The following HTR2C variants were observed in gnomAD, a reference collection of about 807,000 sequenced individuals.
The protein encoded by HTR2C is 5-hydroxytryptamine receptor 2C, also known as 5-hydroxytryptamine (serotonin) receptor 2C, G protein-coupled.
In HTR2C, 5 loss-of-function variants were observed where a neutral mutation model predicts 21.0. The ratio of observed to expected loss-of-function variants is 0.24; its 90% CI spans 0.12 to 0.50. The LOEUF (loss-of-function observed/expected upper bound fraction) is 0.50, where lower values mean the gene tolerates loss of function less well. HTR2C is among the 20% of genes least tolerant of loss of function. HTR2C has a pLI of 0.98. For missense variants in HTR2C, 271 were observed against 371.2 expected, an observed-to-expected ratio of 0.73 and a Z score of 2.22; for synonymous variants, 150 against 145.3, an observed-to-expected ratio of 1.03 and a Z score of -0.23.
intron 4 of HTR2C, among the ~76,000 whole-genome samples, chrX:114,835,682 G>A (rs782331966): frequency 3.2e-4 from 36 of 111,696 alleles, no homozygotes; most frequent in African/African-American, 9.7e-4. Context: ...TAATTTGATC[G>A]TCTGAAGCCT....
chrX:114,804,753 C>CATAA (rs782399958), intron 4 of HTR2C, among the ~76,000 whole-genome samples: 55 of 111,365 alleles, frequency 4.9e-4, no homozygotes, highest in Non-Finnish European at 1.7e-4. Flanking sequence ...GTTACAGGGA[C>CATAA]ATAAATTTCA....
intron 1 of HTR2C, among the ~76,000 whole-genome samples, chrX:114,600,823 A>G (rs1186976490): frequency 8.9e-6 from 1 of 111,742 alleles, no homozygotes; most frequent in Admixed American, 9.5e-5. Context: ...TGCATTTTAA[A>G]TGCAAAGTAT....
chrX:114,814,179 A>T (rs1375355999), intron 4 of HTR2C, among the ~76,000 whole-genome samples: 1 of 110,201 alleles, frequency 9.1e-6, no homozygotes, highest in East Asian at 2.9e-4. Context: ...GAAAGGGAAA[A>T]AATAGCTGGA....
intron 4 of HTR2C, among the ~76,000 whole-genome samples, chrX:114,801,926 A>C (rs1331957170): frequency 1.8e-5 from 2 of 111,191 alleles, no homozygotes; most frequent in Non-Finnish European, 3.8e-5. Context: ...TCAAACTTTT[A>C]ATCAAATGGT....
intron 5 of HTR2C, among the ~76,000 whole-genome samples, chrX:114,884,022 C>T (rs1450154846): frequency 1.8e-5 from 2 of 110,727 alleles, no homozygotes; most frequent in African/African-American, 6.5e-5. Flanking sequence ...TGAGATAATG[C>T]GGTATTTGTT....
intron 4 of HTR2C, among the ~76,000 whole-genome samples, chrX:114,808,572 C>T (rs1376841505): frequency 4.5e-5 from 5 of 111,580 alleles, no homozygotes; most frequent in African/African-American, 1.6e-4. Flanking sequence ...TATTCATTTA[C>T]ATTTCCACCA....
chrX:114,820,579 C>T (rs2070623537), intron 4 of HTR2C, among the ~76,000 whole-genome samples: 1 of 110,450 alleles, frequency 9.1e-6, no homozygotes, highest in Admixed American at 9.7e-5. Flanking sequence ...TCCCAGAATT[C>T]CCACGTGTTA....
intron 4 of HTR2C, among the ~76,000 whole-genome samples, chrX:114,768,483 T>C (rs782115378): frequency 9.0e-6 from 1 of 110,973 alleles, no homozygotes; most frequent in South Asian, 3.7e-4. Flanking sequence ...CCAAAACAAA[T>C]GTTCTAGAAG....
At chrX:114,601,665 T>C (rs1178844348) in intron 1 of HTR2C, among the ~76,000 whole-genome samples, 2 of 109,650 alleles carry the variant, frequency 1.8e-5, no homozygotes, top group East Asian at 2.9e-4. Context: ...GCCATCTGGA[T>C]GTATACATGC....
At chrX:114,683,568 T>C (rs1189794997) in intron 2 of HTR2C, among the ~76,000 whole-genome samples, 2 of 110,853 alleles carry the variant, frequency 1.8e-5, no homozygotes, top group African/African-American at 6.6e-5. Flanking sequence ...GCGGATCACT[T>C]GAGCTTAGGA....
chrX:114,729,169 G>A (rs933972046), intron 3 of HTR2C, among the ~76,000 whole-genome samples: 13 of 111,742 alleles, frequency 1.2e-4, no homozygotes, highest in African/African-American at 3.2e-4. Context: ...CATAGACGTC[G>A]TCTCAAAATA....
chrX:114,675,879 T>C (rs1931541364), intron 2 of HTR2C, among the ~76,000 whole-genome samples: 1 of 102,230 alleles, frequency 9.8e-6, no homozygotes, highest in Non-Finnish European at 1.9e-5. Context: ...TTTTTTCTTT[T>C]TTTTTTTGAG....
chrX:114,859,418 T>C (rs1262807025), intron 5 of HTR2C, among the ~76,000 whole-genome samples: 1 of 110,817 alleles, frequency 9.0e-6, no homozygotes, highest in African/African-American at 3.3e-5. Flanking sequence ...ATATTAATAT[T>C]TTCTTTTGTG....
chrX:114,623,906 G>T (rs5946145), intron 2 of HTR2C, among the ~76,000 whole-genome samples: 66 of 69,374 alleles, frequency 9.5e-4, no homozygotes, highest in African/African-American at 1.4e-3. Context: ...TTTTGTTGTT[G>T]TTTTTTTTTT....
At chrX:114,640,983 T>C (rs186470033) in intron 2 of HTR2C, among the ~76,000 whole-genome samples, 188 of 100,689 alleles carry the variant, frequency 1.9e-3, no homozygotes, top group African/African-American at 6.1e-3. Flanking sequence ...TCTTTTTTCT[T>C]TCTTTCCTTC....
At chrX:114,704,183 G>C (rs1201448266) in intron 2 of HTR2C, among the ~76,000 whole-genome samples, 2 of 111,652 alleles carry the variant, frequency 1.8e-5, no homozygotes, top group Non-Finnish European at 3.8e-5. Context: ...AATAGAAAAA[G>C]AGGGAATCCT....
intron 4 of HTR2C, among the ~76,000 whole-genome samples, chrX:114,769,120 C>A (rs1320115029): frequency 2.7e-5 from 3 of 110,998 alleles, no homozygotes; most frequent in Non-Finnish European, 5.7e-5. Context: ...AGTGAAACAG[C>A]AAAGTTAAAC....
At chrX:114,694,087 T>C (rs1209691253) in intron 2 of HTR2C, among the ~76,000 whole-genome samples, 1 of 111,528 alleles carries the variant, frequency 9.0e-6, no homozygotes, top group African/African-American at 3.3e-5. Context: ...AAACAATTAA[T>C]ATCTTTGGAA....
intron 1 of HTR2C, among the ~76,000 whole-genome samples, chrX:114,594,652 G>C (rs1283714189): frequency 9.0e-6 from 1 of 111,284 alleles, no homozygotes; most frequent in Non-Finnish European, 1.9e-5. Flanking sequence ...AGCTCTAAAG[G>C]CTTCAGAAAG....
Sources: allele counts gnomAD v4.1 joint callset (sites outside exome capture counted in the v4.1 genomes callset), GRCh38; gene constraint gnomAD v4.1.1; transcripts MANE v1.5; gene names NCBI Gene and HGNC (gene_info 2026-07-23, HGNC 2026-07-21).